Variants in NRG1 observed in about 807,000 individuals in gnomAD.
NRG1 encodes pro-neuregulin-1, membrane-bound isoform.
Under a neutral mutation model 63.8 loss-of-function variants are expected in NRG1, and 18 were observed. The observed-to-expected ratio is 0.28, with a 90% CI of 0.19 to 0.42. The LOEUF is 0.42. Among genes scored for constraint, NRG1 ranks in the 10% least tolerant of loss-of-function variants. The pLI, the probability that NRG1 is intolerant of heterozygous loss-of-function variation, is 1.00. For synonymous variants in NRG1, 302 were observed against 301.3 expected (o/e 1.00, Z -0.02); for missense variants, 762 against 814.7 (o/e 0.94, Z 0.79).
intron 1 of NRG1, among the ~76,000 whole-genome samples, chr8:32,299,045 A>AAAG (rs1554501323): frequency 0.017 from 2,475 of 144,194 alleles, 35 homozygotes; most frequent in African/African-American, 0.048. Context: ...AAAAAAAAAA[A>AAAG]AAAGAAAGAA....
chr8:32,551,947 G>T (rs1011168724), intron 1 of NRG1, among the ~76,000 whole-genome samples: 1 of 128,282 alleles, frequency 7.8e-6, no homozygotes, highest in South Asian at 2.5e-4. Context: ...GTCTCGCTCT[G>T]TCGCCAGGCT....
chr8:32,618,855 T>A (rs1847833337), intron 5 of NRG1, among the ~76,000 whole-genome samples: 1 of 152,048 alleles, frequency 6.6e-6, no homozygotes, highest in African/African-American at 2.4e-5. Context: ...TCAAGGTAAG[T>A]CTCATTAAAT....
At chr8:31,737,977 A>G (rs981145003) in intron 1 of NRG1, among the ~76,000 whole-genome samples, 2 of 152,074 alleles carry the variant, frequency 1.3e-5, no homozygotes, top group Non-Finnish European at 2.9e-5. Flanking sequence ...AATATTCAAC[A>G]TTATATATAT....
intron 5 of NRG1, among the ~76,000 whole-genome samples, chr8:32,725,621 G>T (rs899724392): frequency 6.6e-6 from 1 of 151,246 alleles, no homozygotes; most frequent in Admixed American, 6.6e-5. Context: ...GATTACAGGG[G>T]CACGCCACCA....
chr8:32,641,655 C>G (rs1337735563), intron 5 of NRG1, among the ~76,000 whole-genome samples: 1 of 152,092 alleles, frequency 6.6e-6, no homozygotes, highest in East Asian at 1.9e-4. Context: ...CAAAATGTAC[C>G]AGAGTAAATT....
chr8:32,635,552 G>A (rs932172705), intron 5 of NRG1, among the ~76,000 whole-genome samples: 8 of 149,196 alleles, frequency 5.4e-5, no homozygotes, highest in African/African-American at 1.7e-4. Flanking sequence ...TTTTTTTTTT[G>A]ACAGTAAGTT....
At chr8:31,873,654 T>A (rs915230459) in intron 1 of NRG1, among the ~76,000 whole-genome samples, 1 of 152,184 alleles carries the variant, frequency 6.6e-6, no homozygotes, top group African/African-American at 2.4e-5. Context: ...GACATTTGTT[T>A]TGTGAAATGG....
intron 1 of NRG1, among the ~76,000 whole-genome samples, chr8:32,550,944 G>C (rs1367570140): frequency 1.3e-5 from 2 of 152,166 alleles, no homozygotes; most frequent in Admixed American, 6.5e-5. Flanking sequence ...CCCCTTCGAA[G>C]CATCTTGTGC....
intron 1 of NRG1, among the ~76,000 whole-genome samples, chr8:32,460,039 G>T (rs1392619704): frequency 1.3e-5 from 2 of 152,162 alleles, no homozygotes; most frequent in African/African-American, 2.4e-5. Flanking sequence ...TAGGTCTTTT[G>T]TCTGTTTCCT....
chr8:31,801,950 C>G (rs989617981), intron 1 of NRG1, among the ~76,000 whole-genome samples: 4 of 152,168 alleles, frequency 2.6e-5, no homozygotes, highest in African/African-American at 4.8e-5. Context: ...AAGACATGAT[C>G]TGTGTGCTTT....
chr8:32,653,035 A>G (rs371996727), intron 5 of NRG1, among the ~76,000 whole-genome samples: 23 of 152,246 alleles, frequency 1.5e-4, no homozygotes, highest in African/African-American at 5.3e-4. Context: ...CATAAACTAC[A>G]TTCCGTCTAC....
intron 1 of NRG1, among the ~76,000 whole-genome samples, chr8:31,799,552 T>C (rs1054675711): frequency 6.6e-6 from 1 of 152,100 alleles, no homozygotes; most frequent in East Asian, 1.9e-4. Flanking sequence ...GTATATTTCT[T>C]TCAGTTATAC....
At chr8:32,312,400 C>T (rs527315108) in intron 1 of NRG1, among the ~76,000 whole-genome samples, 1 of 141,012 alleles carries the variant, frequency 7.1e-6, no homozygotes, top group East Asian at 2.2e-4. Context: ...GTCTGAAACT[C>T]CGGACCTCAA....
chr8:32,325,888 C>T (rs560313061), intron 1 of NRG1, among the ~76,000 whole-genome samples: 1 of 152,286 alleles, frequency 6.6e-6, no homozygotes, highest in African/African-American at 2.4e-5. Context: ...TGATCATATT[C>T]CTCTTTCGTA....
intron 1 of NRG1, among the ~76,000 whole-genome samples, chr8:32,133,813 C>G (rs1397605010): frequency 6.6e-6 from 1 of 152,050 alleles, no homozygotes; most frequent in Non-Finnish European, 1.5e-5. Flanking sequence ...AATTGGTAGA[C>G]TAGATATCTT....
intron 1 of NRG1, among the ~76,000 whole-genome samples, chr8:32,232,780 A>G (rs1376135740): frequency 2.6e-5 from 4 of 152,106 alleles, no homozygotes; most frequent in African/African-American, 7.2e-5. Flanking sequence ...TGCCTAACAA[A>G]CATTACTCAG....
intron 1 of NRG1, among the ~76,000 whole-genome samples, chr8:32,068,694 C>T (rs1219994523): frequency 1.3e-5 from 2 of 152,208 alleles, no homozygotes; most frequent in Non-Finnish European, 2.9e-5. Context: ...CCTCAAGCCC[C>T]TTGTTAACCA....
rs116111530 is a variant in NRG1 at position 32,514,797 on chromosome 8, A to G, written c.38-81031A>G. On this transcript the variant is annotated intron_variant, in intron 1 of 10. Coordinates refer to the NRG1 transcript ENST00000519301. ...ACTAACAAACTCATTGCTTCAAATAAAACTGTTATTGATTGTTCAGATTAA... is the reference window on the plus strand; with the variant it reads ...ACTAACAAACTCATTGCTTCAAATAGAACTGTTATTGATTGTTCAGATTAA... 9.3e-3 allele frequency among the ~76,000 whole-genome samples: 1,414 copies of G among 152,060 alleles called. 24 individuals carry two copies. Among genetic ancestry groups the G allele is most frequent in the African/African-American group, 0.032 (1,337 of 41,444 alleles).
At chr8:32,059,203 T>C (rs1318204661) in intron 1 of NRG1, among the ~76,000 whole-genome samples, 1 of 152,058 alleles carries the variant, frequency 6.6e-6, no homozygotes. Flanking sequence ...TTATGTATTC[T>C]ATTTTCCTGC....
Sources: gnomAD v4.1 joint callset for allele counts (sites outside exome capture counted in the v4.1 genomes callset) on GRCh38, gnomAD v4.1.1 for gene constraint, MANE v1.5 for transcripts, NCBI Gene and HGNC (gene_info 2026-07-23, HGNC 2026-07-21) for gene names.